Variants in PTPN4 observed in about 807,000 individuals in gnomAD.
PTPN4 encodes tyrosine-protein phosphatase non-receptor type 4.
Under a neutral mutation model 135.5 loss-of-function variants are expected in PTPN4, and 49 were observed. That is an observed-to-expected ratio of 0.36 (90% CI 0.29 to 0.46). The LOEUF is 0.46. Ranked by LOEUF, PTPN4 falls within the 20% of genes least tolerant of loss-of-function variation. The probability of loss-of-function intolerance (pLI) is 1.00; values close to 1 mark genes in which losing one functional copy is unlikely to be tolerated. For synonymous variants in PTPN4, 333 were observed against 369.9 expected, an observed-to-expected ratio of 0.90 and a Z score of 1.14; for missense variants, 860 against 1,101.0, an observed-to-expected ratio of 0.78 and a Z score of 3.10.
chr2:119,948,606 G>C (rs969130433), intron 18 of PTPN4, among the ~76,000 whole-genome samples: 1 of 152,016 alleles, frequency 6.6e-6, no homozygotes, highest in African/African-American at 2.4e-5. Context: ...ATGTGGACTA[G>C]GGAACAAAGA....
chr2:119,879,634 G>T (rs1231909483), intron 5 of PTPN4, among the ~76,000 whole-genome samples: 1 of 152,168 alleles, frequency 6.6e-6, no homozygotes, highest in African/African-American at 2.4e-5. Context: ...TCCCCCAAAT[G>T]ATTCTAATAT....
intron 2 of PTPN4, among the ~76,000 whole-genome samples, chr2:119,816,985 A>G (rs1006253102): frequency 1.3e-5 from 2 of 152,232 alleles, no homozygotes; most frequent in African/African-American, 2.4e-5. Context: ...TCACAGATCC[A>G]TGTAATGCTC....
intron 10 of PTPN4, among the ~76,000 whole-genome samples, chr2:119,901,298 C>G (rs1393214242): frequency 6.6e-6 from 1 of 152,196 alleles, no homozygotes; most frequent in Non-Finnish European, 1.5e-5. Context: ...CCTCCCTGTC[C>G]CACACCTTAC....
intron 1 of PTPN4, among the ~76,000 whole-genome samples, chr2:119,775,176 G>GGAGGAAAA (rs1690811611): frequency 6.6e-6 from 1 of 150,654 alleles, no homozygotes; most frequent in South Asian, 2.1e-4. Flanking sequence ...AAGATTTAAG[G>GGAGGAAAA]GAGGAAAAGA....
chr2:119,795,872 G>A (rs1477508119), intron 1 of PTPN4, among the ~76,000 whole-genome samples: 2 of 152,126 alleles, frequency 1.3e-5, no homozygotes, highest in Admixed American at 6.5e-5. Flanking sequence ...GACTTGCCCG[G>A]CCCCATCGCA....
rs1335775304 is a variant in PTPN4 at position 119,841,656 on chromosome 2, G to C, written c.139-20880G>C. Among the ~76,000 whole-genome samples, 3 of 152,158 alleles carry C rather than the reference G, an allele frequency of 2.0e-5. No individual in the cohort carries two copies. In the South Asian group the frequency reaches 6.2e-4, roughly 32 times the overall value. ...TTAGTCACACACTCCCATCTAAAAG[G>C]CTTGTGTAGATTTACACAATTTATG... On this transcript the variant is annotated intron_variant, in intron 2 of 26. Transcript: ENST00000263708.
chr2:119,824,858 T>C (rs1365537811), intron 2 of PTPN4, among the ~76,000 whole-genome samples: 1 of 152,128 alleles, frequency 6.6e-6, no homozygotes, highest in Non-Finnish European at 1.5e-5. Flanking sequence ...CAGCTAATTT[T>C]TGCATTTTTA....
At chr2:119,929,831 G>C (rs1381015853) in intron 13 of PTPN4, among the ~76,000 whole-genome samples, 1 of 152,108 alleles carries the variant, frequency 6.6e-6, no homozygotes, top group Non-Finnish European at 1.5e-5. Flanking sequence ...CTTCAGACTA[G>C]GTGAGTGTGC....
intron 12 of PTPN4, among the ~76,000 whole-genome samples, chr2:119,925,006 G>A (rs1416473429): frequency 6.6e-6 from 1 of 152,150 alleles, no homozygotes; most frequent in Non-Finnish European, 1.5e-5. Context: ...TCCCTGGGCT[G>A]GAGTCCACAA....
chr2:119,910,039 C>T (rs1678547530), intron 10 of PTPN4, among the ~76,000 whole-genome samples: 1 of 152,072 alleles, frequency 6.6e-6, no homozygotes, highest in Admixed American at 6.6e-5. Flanking sequence ...TAAATGACAA[C>T]AAAGAATATA....
intron 1 of PTPN4, among the ~76,000 whole-genome samples, chr2:119,769,372 T>C (rs1436174758): frequency 1.3e-5 from 2 of 152,220 alleles, no homozygotes; most frequent in African/African-American, 2.4e-5. Context: ...ATCAGAATTA[T>C]GGAGATACTA....
chr2:119,821,381 G>A (rs868461618), intron 2 of PTPN4, among the ~76,000 whole-genome samples: 3 of 152,012 alleles, frequency 2.0e-5, no homozygotes, highest in South Asian at 4.2e-4. Context: ...GTGAGCCACC[G>A]CCTCTGGCCT....
chr2:119,779,111 C>G (rs990434079), intron 1 of PTPN4, among the ~76,000 whole-genome samples: 1 of 152,096 alleles, frequency 6.6e-6, no homozygotes, highest in Non-Finnish European at 1.5e-5. Flanking sequence ...TAGCACTATC[C>G]TAAGGGAATC....
At chr2:119,865,274 A>G (rs1677816134) in intron 3 of PTPN4, among the ~76,000 whole-genome samples, 1 of 152,118 alleles carries the variant, frequency 6.6e-6, no homozygotes. Context: ...ACTGAAGGAA[A>G]AAGATGCTAT....
intron 13 of PTPN4, among the ~76,000 whole-genome samples, chr2:119,927,696 G>C (rs1678846279): frequency 6.6e-6 from 1 of 152,208 alleles, no homozygotes; most frequent in Non-Finnish European, 1.5e-5. Context: ...TTTGTTTTCA[G>C]TGAAAATTAC....
chr2:119,901,813 G>C (rs1278819619), intron 10 of PTPN4, among the ~76,000 whole-genome samples: 5 of 152,116 alleles, frequency 3.3e-5, no homozygotes, highest in Non-Finnish European at 7.4e-5. Flanking sequence ...AGGAGTGCTA[G>C]AAATAAAATG....
In PTPN4 at chr2:119,862,388, G is replaced by A. The variant is rs1329825101; in HGVS notation, c.139-148G>A. On this transcript the variant is annotated intron_variant, in intron 2 of 26. Coordinates refer to ENST00000263708, the MANE Select transcript of PTPN4 (RefSeq NM_002830.4). ...TTATATCCTACTGCTCAAGGTCATTGCCAAGGCCTGATTTTTCACACAAAA... is the reference window on the plus strand; with the variant it reads ...TTATATCCTACTGCTCAAGGTCATTACCAAGGCCTGATTTTTCACACAAAA... The A allele has an allele frequency of 4.8e-6, 3 of 619,916 alleles. No homozygotes were observed. In the Admixed American group the frequency reaches 9.1e-5, roughly 19 times the overall value. 38.4% of individuals were successfully genotyped at this position (619,916 alleles called of 1,614,324 possible).
chr2:119,946,469 T>C, intron 17 of PTPN4, 45 bp downstream of exon 17: 3 of 1,592,520 alleles, frequency 1.9e-6, no homozygotes, highest in South Asian at 2.3e-5. Flanking sequence ...ATTAAGATGT[T>C]CTTATTTTGG....
chr2:119,790,150 A>T lies in PTPN4; in HGVS notation c.-17-19687A>T, dbSNP rs564982004. 2.6e-5 allele frequency among the ~76,000 whole-genome samples: 4 copies of T among 152,242 alleles called. No individual in the cohort carries two copies. The South Asian group carries it at 8.3e-4, about 32-fold the overall frequency. ...TAATATATATTATTCTACTTTGGAG[A>T]ATGTACCATGTGCACTTGAATAGAT... On this transcript the variant is annotated intron_variant, in intron 1 of 26. Coordinates refer to ENST00000263708, the MANE Select transcript of PTPN4 (RefSeq NM_002830.4).
Sources: gnomAD v4.1 joint callset for allele counts (sites outside exome capture counted in the v4.1 genomes callset) on GRCh38, gnomAD v4.1.1 for gene constraint, MANE v1.5 for transcripts, NCBI Gene and HGNC (gene_info 2026-07-23, HGNC 2026-07-21) for gene names.